The following KLF13 variants were observed in gnomAD, a reference collection of about 807,000 sequenced individuals.
KLF13 encodes KLF transcription factor 13.
Under a neutral mutation model 16.7 loss-of-function variants are expected in KLF13, and 8 were observed. The ratio of observed to expected loss-of-function variants is 0.48; its 90% confidence interval spans 0.28 to 0.87. The LOEUF is 0.87. Among genes scored for constraint, KLF13 ranks in the 40% least tolerant of loss-of-function variants. KLF13 has a pLI of 0.10. For synonymous variants in KLF13, 245 were observed against 208.4 expected, an observed-to-expected ratio of 1.18 and a Z score of -1.51; for missense variants, 447 against 452.2, an observed-to-expected ratio of 0.99 and a Z score of 0.10.
chr15:31,383,128 C>T (rs2140976987), intron 1 of KLF13, among the ~76,000 whole-genome samples: 1 of 152,388 alleles, frequency 6.6e-6, no homozygotes, highest in South Asian at 2.1e-4. Context: ...ACCAGCAACA[C>T]AAGGTGTTTT....
intron 1 of KLF13, among the ~76,000 whole-genome samples, chr15:31,333,464 T>A (rs2038869756): frequency 6.6e-6 from 1 of 152,222 alleles, no homozygotes; most frequent in Non-Finnish European, 1.5e-5. Context: ...TTGCTGCTTC[T>A]TAAAGGTTGA....
chr15:31,405,979 A>T (rs1178757297), downstream of KLF13, among the ~76,000 whole-genome samples: 2 of 152,220 alleles, frequency 1.3e-5, no homozygotes, highest in Non-Finnish European at 2.9e-5. Flanking sequence ...CATCCACAAA[A>T]CAAGAACAGG....
Position 31,327,332 on chromosome 15 carries a change from G to A in KLF13, c.120G>A (p.Val40=). The stretch of plus-strand genomic sequence containing the variant: ...AGTCCCGGCCCGAGGGCGCGGCCGT[G>A]GCCGCCACCCCCACGCTGCCCCGCG... ...GPESRPEGAA[V]AATPTLPRVE... Residue 40 remains valine (V), a synonymous_variant, in exon 1 of 2, where the codon GTG becomes GTA. Coordinates refer to ENST00000307145, the MANE Select transcript of KLF13 (RefSeq NM_015995.4). 1 of 1,279,894 alleles carries A rather than the reference G, an allele frequency of 7.8e-7. No homozygotes were observed. The highest frequency in any genetic ancestry group is 9.8e-7 in the Non-Finnish European group (1 of 1,017,308). The allele number at this position is 1,279,894 out of a possible 1,614,324, so 79.3% of individuals were successfully genotyped here.
chr15:31,371,022 G>A (rs536649581), intron 1 of KLF13, among the ~76,000 whole-genome samples: 1 of 152,174 alleles, frequency 6.6e-6, no homozygotes, highest in South Asian at 2.1e-4. Flanking sequence ...GTCACTTTAG[G>A]GTCTGTATGG....
chr15:31,398,722 C>G (rs561936941), intron 2 of KLF13, among the ~76,000 whole-genome samples: 21 of 152,232 alleles, frequency 1.4e-4, no homozygotes, highest in African/African-American at 3.9e-4. Flanking sequence ...AAAGATCAAG[C>G]AGGAGGCCAA....
chr15:31,405,439 A>C (rs7175258), downstream of KLF13, among the ~76,000 whole-genome samples: 142,455 of 152,356 alleles, frequency 0.94, 66,750 homozygotes, highest in East Asian at 1. Flanking sequence ...GTCACCAAAT[A>C]TGCTGGCGCC....
At chr15:31,428,754 G>A (rs2040429464) in intron 1 of KLF13, among the ~76,000 whole-genome samples, 1 of 125,218 alleles carries the variant, frequency 8.0e-6, no homozygotes, top group Non-Finnish European at 1.6e-5. Flanking sequence ...AGTGAGCCGA[G>A]ATCGCGCCAC....
At chr15:31,398,767 A>G (rs2140989920) in intron 2 of KLF13, among the ~76,000 whole-genome samples, 1 of 152,272 alleles carries the variant, frequency 6.6e-6, no homozygotes, top group Admixed American at 6.5e-5. Context: ...AGAGTCAACC[A>G]TGCACGGTGC....
chr15:31,403,563 G>A (rs950087828), exon 3 of KLF13: 14 of 152,268 alleles, frequency 9.2e-5, no homozygotes, highest in African/African-American at 3.4e-4. Flanking sequence ...GCTGGCTGAA[G>A]TGTGGACATG....
chr15:31,421,136 A>G (rs1325596686), intron 1 of KLF13, among the ~76,000 whole-genome samples: 1 of 151,842 alleles, frequency 6.6e-6, no homozygotes, highest in African/African-American at 2.4e-5. Context: ...CGGTTGAGCC[A>G]TTGTGATGTA....
chr15:31,424,838 C>T (rs2040382387), intron 1 of KLF13, among the ~76,000 whole-genome samples: 1 of 148,442 alleles, frequency 6.7e-6, no homozygotes, highest in Admixed American at 6.7e-5. Context: ...AAAAATACTT[C>T]TGTTTATAAT....
intron 1 of KLF13, among the ~76,000 whole-genome samples, chr15:31,368,946 A>G (rs1371602560): frequency 2.0e-5 from 3 of 152,096 alleles, no homozygotes; most frequent in Non-Finnish European, 4.4e-5. Context: ...TTCTTTTCTG[A>G]TTTTAGTTGT....
At chr15:31,401,158 G>A (rs1041789002) in intron 2 of KLF13, among the ~76,000 whole-genome samples, 9 of 152,062 alleles carry the variant, frequency 5.9e-5, no homozygotes, top group Admixed American at 2.0e-4. Flanking sequence ...GCGCCACCAC[G>A]CCCAGCTAAC....
chr15:31,405,871 C>G (rs796665287), downstream of KLF13, among the ~76,000 whole-genome samples: 8 of 152,200 alleles, frequency 5.3e-5, no homozygotes, highest in African/African-American at 1.9e-4. Context: ...CGAAGAGGAA[C>G]AAAAGTAACA....
At chr15:31,365,890 C>T (rs1026646719) in intron 1 of KLF13, among the ~76,000 whole-genome samples, 2 of 152,160 alleles carry the variant, frequency 1.3e-5, no homozygotes, top group South Asian at 2.1e-4. Context: ...CCTGCGCCCC[C>T]CTTCCGGCTG....
At chr15:31,384,886 C>T (rs375965041) in intron 1 of KLF13, among the ~76,000 whole-genome samples, 7 of 152,180 alleles carry the variant, frequency 4.6e-5, no homozygotes, top group Non-Finnish European at 8.8e-5. Context: ...GCATCCATAC[C>T]TGCTATGGAC....
chr15:31,349,519 G>A (rs4779518), intron 1 of KLF13, among the ~76,000 whole-genome samples: 64,696 of 152,090 alleles, frequency 0.43, 14,688 homozygotes, highest in East Asian at 0.56. Flanking sequence ...TGAGTCTCTG[G>A]GACCCAGTCT....
chr15:31,343,607 G>T (rs1000404597), intron 1 of KLF13, among the ~76,000 whole-genome samples: 3 of 152,166 alleles, frequency 2.0e-5, no homozygotes, highest in African/African-American at 7.2e-5. Flanking sequence ...CTCCTGAACC[G>T]CAGGAGCAAG....
chr15:31,390,742 G>C (rs1373102808), upstream of KLF13, among the ~76,000 whole-genome samples: 1 of 151,896 alleles, frequency 6.6e-6, no homozygotes, highest in Non-Finnish European at 1.5e-5. Flanking sequence ...TTTTCTTTTG[G>C]AATTCCTATT....
Sources: allele counts gnomAD v4.1 joint callset (sites outside exome capture counted in the v4.1 genomes callset), GRCh38; gene constraint gnomAD v4.1.1; transcripts MANE v1.5; gene names NCBI Gene and HGNC (gene_info 2026-07-23, HGNC 2026-07-21).